Variants in MNAT1 observed in about 807,000 individuals in gnomAD.
MNAT1 encodes MNAT1 component of CDK activating kinase.
A neutral mutation model predicts 42.0 loss-of-function variants in MNAT1; 43 were observed. That is an observed-to-expected ratio of 1.02 (90% confidence interval 0.80 to 1.32). The LOEUF (loss-of-function observed/expected upper bound fraction) is 1.32, where lower values mean the gene tolerates loss of function less well. MNAT1 is among the 40% of genes most tolerant of loss of function. MNAT1 has a pLI of 0.00. For missense variants in MNAT1, 306 were observed against 350.4 expected (o/e 0.87, Z 1.01); for synonymous variants, 118 against 120.0 (o/e 0.98, Z 0.11).
chr14:60,859,476 T>C (rs1231737665), intron 6 of MNAT1, among the ~76,000 whole-genome samples: 1 of 152,178 alleles, frequency 6.6e-6, no homozygotes, highest in Admixed American at 6.5e-5. Flanking sequence ...TTAGTGACTT[T>C]TGAGAATCAG....
At chr14:60,858,430 T>A (rs1243545639) in intron 6 of MNAT1, among the ~76,000 whole-genome samples, 2 of 151,970 alleles carry the variant, frequency 1.3e-5, no homozygotes, top group Non-Finnish European at 2.9e-5. Flanking sequence ...TTTTTTTTTT[T>A]TTTATAAATT....
chr14:60,929,042 A>T (rs2035823816), intron 7 of MNAT1, among the ~76,000 whole-genome samples: 1 of 150,180 alleles, frequency 6.7e-6, no homozygotes, highest in African/African-American at 2.4e-5. Context: ...AGCTACTCAG[A>T]AGGCTGAGGC....
At chr14:60,761,053 A>G (rs1046942043) in intron 1 of MNAT1, among the ~76,000 whole-genome samples, 5 of 152,346 alleles carry the variant, frequency 3.3e-5, no homozygotes, top group Admixed American at 2.6e-4. Context: ...ACGCTTATGA[A>G]TAACTCCTTT....
intron 1 of MNAT1, among the ~76,000 whole-genome samples, chr14:60,778,535 C>T (rs1423537024): frequency 6.6e-6 from 1 of 152,108 alleles, no homozygotes; most frequent in Non-Finnish European, 1.5e-5. Flanking sequence ...CTTTTTCTGC[C>T]CATAAGTCCA....
At chr14:60,754,242 A>AG (rs1360200944) in intron 1 of MNAT1, among the ~76,000 whole-genome samples, 37 of 152,254 alleles carry the variant, frequency 2.4e-4, no homozygotes, top group Admixed American at 2.4e-3. Context: ...GATAACTAAT[A>AG]GAATCCCTTC....
At chr14:60,775,438 A>G (rs1006082360) in intron 1 of MNAT1, among the ~76,000 whole-genome samples, 6 of 152,194 alleles carry the variant, frequency 3.9e-5, no homozygotes, top group Admixed American at 1.3e-4. Context: ...TTTGCTGTGA[A>G]TGGGAATGGG....
At chr14:60,826,147 G>A (rs1254138657) in intron 6 of MNAT1, among the ~76,000 whole-genome samples, 2 of 152,020 alleles carry the variant, frequency 1.3e-5, no homozygotes, top group African/African-American at 4.8e-5. Context: ...ATATTATGAA[G>A]GTTGTGCCGG....
rs550604850 is a variant in MNAT1, at chr14:60,752,856, C to T, written c.89+17905C>T. On this transcript the variant is annotated intron_variant, in intron 1 of 7. Transcript: ENST00000261245. ...CTTGGCTCACTGCAACCTCTGCCTCCTGGGTTGGAGCAGTTCTCCTGCCTC... is the reference window on the plus strand; with the variant it reads ...CTTGGCTCACTGCAACCTCTGCCTCTTGGGTTGGAGCAGTTCTCCTGCCTC... Among the ~76,000 whole-genome samples, 3 of 152,304 alleles carry T rather than the reference C, an allele frequency of 2.0e-5. No homozygotes were observed. In the East Asian group the frequency reaches 5.8e-4, roughly 29 times the overall value.
intron 6 of MNAT1, among the ~76,000 whole-genome samples, chr14:60,839,607 G>A (rs1004919230): frequency 6.6e-6 from 1 of 152,218 alleles, no homozygotes; most frequent in East Asian, 1.9e-4. Context: ...GAGAAGAGCT[G>A]CAGCTCTGCA....
At chr14:60,763,371 A>G (rs1190020896) in intron 1 of MNAT1, among the ~76,000 whole-genome samples, 3 of 152,218 alleles carry the variant, frequency 2.0e-5, no homozygotes, top group East Asian at 1.9e-4. Flanking sequence ...ATAGGTACAT[A>G]TAATAATTCC....
chr14:60,863,347 A>T (rs1461215553), intron 6 of MNAT1, among the ~76,000 whole-genome samples: 3 of 152,060 alleles, frequency 2.0e-5, no homozygotes, highest in African/African-American at 7.2e-5. Context: ...ACTATTTTTT[A>T]AAAAATGGTG....
rs1168485977 is a variant in MNAT1 at position 60,739,923 on chromosome 14, G to A, written c.89+4972G>A. Among the ~76,000 whole-genome samples, 55 of 152,210 alleles carry A rather than the reference G, an allele frequency of 3.6e-4. 1 individual carries two copies. Among genetic ancestry groups the A allele is most frequent in the Admixed American group, 3.5e-3 (54 of 15,288 alleles). On this transcript the variant is annotated intron_variant, in intron 1 of 7. Coordinates refer to ENST00000261245, the MANE Select transcript of MNAT1 (RefSeq NM_002431.4). ...AATCCCAGCACTTTGGGAGGCTGAG[G>A]CGGGTGGATCACCTGAGGTCAGGAG...
intron 1 of MNAT1, among the ~76,000 whole-genome samples, chr14:60,767,800 C>G (rs557586326): frequency 2.6e-5 from 4 of 151,846 alleles, no homozygotes; most frequent in Admixed American, 1.3e-4. Context: ...GAGTCTCACT[C>G]TGTCGCCAGG....
At position 60,914,720 on chromosome 14, in the gene MNAT1, A is replaced by G. The variant is rs1476417278; in HGVS notation, c.809+34885A>G. 2.0e-5 allele frequency among the ~76,000 whole-genome samples: 3 copies of G among 152,298 alleles called. No individual in the cohort carries two copies. In the East Asian group the frequency reaches 5.8e-4, roughly 29 times the overall value. ...ACATCCTATTTGGTTACATTATTTTAAGTAGGCTATAGAGCCTTAGGGAGA... is the reference window on the plus strand; with the variant it reads ...ACATCCTATTTGGTTACATTATTTTGAGTAGGCTATAGAGCCTTAGGGAGA... On this transcript the variant is annotated intron_variant, in intron 7 of 7. Coordinates refer to ENST00000261245, the MANE Select transcript of MNAT1 (RefSeq NM_002431.4).
intron 7 of MNAT1, among the ~76,000 whole-genome samples, chr14:60,917,907 C>T (rs535077643): frequency 5.3e-5 from 8 of 152,042 alleles, no homozygotes; most frequent in Non-Finnish European, 7.4e-5. Flanking sequence ...GGATTATAGG[C>T]GTGAGACACC....
intron 5 of MNAT1, among the ~76,000 whole-genome samples, chr14:60,816,410 G>A (rs1393142485): frequency 6.6e-6 from 1 of 152,040 alleles, no homozygotes; most frequent in East Asian, 1.9e-4. Context: ...TTCAGTTTAT[G>A]TCTTAAATTT....
At chr14:60,904,246 A>G (rs889332552) in intron 7 of MNAT1, among the ~76,000 whole-genome samples, 3 of 152,260 alleles carry the variant, frequency 2.0e-5, no homozygotes, top group Non-Finnish European at 4.4e-5. Flanking sequence ...TACAAAAATC[A>G]CAAAAAAACT....
At position 60,739,714 on chromosome 14, in the gene MNAT1, G is replaced by A. The variant is rs1225013050; in HGVS notation, c.89+4763G>A. ...CTTTTTTTAATTTTTTCTGTTCAAG[G>A]ATGAACATTGTCTCAATTACAGAAA... On this transcript the variant is annotated intron_variant, in intron 1 of 7. Coordinates refer to ENST00000261245, the MANE Select transcript of MNAT1 (RefSeq NM_002431.4). Among the ~76,000 whole-genome samples, 3 of 152,174 alleles carry A rather than the reference G, an allele frequency of 2.0e-5. No homozygotes were observed. In the East Asian group the frequency reaches 5.8e-4, roughly 29 times the overall value.
At chr14:60,758,657 G>T (rs1044842644) in intron 1 of MNAT1, among the ~76,000 whole-genome samples, 8 of 151,532 alleles carry the variant, frequency 5.3e-5, no homozygotes, top group Non-Finnish European at 1.0e-4. Flanking sequence ...TTTTAACCAT[G>T]ATACTTCCTG....
Sources: gnomAD v4.1 joint callset for allele counts (sites outside exome capture counted in the v4.1 genomes callset) on GRCh38, gnomAD v4.1.1 for gene constraint, MANE v1.5 for transcripts, NCBI Gene and HGNC (gene_info 2026-07-23, HGNC 2026-07-21) for gene names.